The following DOCK11 variants were observed in gnomAD, a reference collection of about 807,000 sequenced individuals.
DOCK11 encodes the protein dedicator of cytokinesis 11, also known as dedicator of cytokinesis protein 11.
A neutral mutation model predicts 169.1 loss-of-function variants in DOCK11; 70 were observed. The observed-to-expected ratio is 0.41, with a 90% confidence interval of 0.34 to 0.51. DOCK11 has a LOEUF of 0.51. Ranked by LOEUF, DOCK11 falls within the 20% of genes least tolerant of loss-of-function variation. The pLI, the probability that DOCK11 is intolerant of heterozygous loss-of-function variation, is 0.10. For missense variants in DOCK11, 1,166 were observed against 1,538.8 expected (o/e 0.76, Z 4.05); for synonymous variants, 529 against 541.3 (o/e 0.98, Z 0.32).
Position 118,648,028 on chromosome X carries a change from ATAT to A in DOCK11, c.4399-913_4399-911del, listed in dbSNP as rs1306183953. ...ATTATAATATATAATATAAATTATA[ATAT>A]TATATAATAATATAATATATAATAT... is the stretch of plus-strand genomic sequence containing the variant. On this transcript the variant is annotated intron_variant, in intron 40 of 52. Transcript: ENST00000276202. 3.9e-3 allele frequency among the ~76,000 whole-genome samples: 179 copies of A among 45,684 alleles called. 2 individuals are homozygous for A. Among genetic ancestry groups the A allele is most frequent in the Non-Finnish European group, 6.0e-3 (163 of 27,110 alleles). The allele number at this position is 45,684 out of a possible 115,157, so 39.7% of individuals were successfully genotyped here.
chrX:118,648,126 TATATAATATA>T (rs1236582196), intron 40 of DOCK11, among the ~76,000 whole-genome samples: 1 of 76,568 alleles, frequency 1.3e-5, no homozygotes, highest in Non-Finnish European at 2.3e-5. Flanking sequence ...ATTGTAATAT[TATATAATATA>T]ATATATAAAT....
At chrX:118,607,405 G>A (rs1320218786) in intron 24 of DOCK11, among the ~76,000 whole-genome samples, 5 of 87,103 alleles carry the variant, frequency 5.7e-5, no homozygotes, top group African/African-American at 1.7e-4. Context: ...ATGAGCCACC[G>A]TGCCGGGCCT....
At chrX:118,580,385 C>T (rs1421127741) in intron 14 of DOCK11, among the ~76,000 whole-genome samples, 3 of 111,668 alleles carry the variant, frequency 2.7e-5, no homozygotes, top group African/African-American at 6.5e-5. Context: ...GGCGCGATCT[C>T]GGCTCACCAC....
intron 20 of DOCK11, among the ~76,000 whole-genome samples, chrX:118,595,554 T>C (rs2147434178): frequency 9.0e-6 from 1 of 111,671 alleles, no homozygotes; most frequent in East Asian, 2.8e-4. Context: ...CTTTGAGGAT[T>C]GAGAAGAAAA....
chrX:118,627,627 G>A (rs374951162), intron 33 of DOCK11, 48 bp downstream of exon 33: 76 of 904,667 alleles, frequency 8.4e-5, no homozygotes, highest in Non-Finnish European at 1.2e-4. Flanking sequence ...GTTTAGACAT[G>A]TACCCTCTAC....
chrX:118,576,677 A>AG (rs765399854), intron 12 of DOCK11, among the ~76,000 whole-genome samples: 2 of 112,369 alleles, frequency 1.8e-5, no homozygotes, highest in Non-Finnish European at 3.8e-5. Context: ...GAGTAGTAGC[A>AG]CTGACAGTGA....
chrX:118,634,138 TG>T (rs1377577498), intron 35 of DOCK11: 1 of 111,945 alleles, frequency 8.9e-6, no homozygotes, highest in Non-Finnish European at 1.9e-5. Context: ...TCCTCAGACT[TG>T]TTAATTTTGC....
intron 28 of DOCK11, among the ~76,000 whole-genome samples, chrX:118,611,881 A>G (rs2014692750): frequency 9.0e-6 from 1 of 111,380 alleles, no homozygotes; most frequent in South Asian, 3.8e-4. Context: ...CAGCCTCCCA[A>G]GTAGCTGGGA....
In DOCK11 at chrX:118,572,589, C is replaced by T. The variant is rs184264938; in HGVS notation, c.1176+126C>T. 7.4e-4 allele frequency: 388 copies of T among 526,022 alleles called. 1 individual carries two copies. The African/African-American group carries it at 7.9e-3, about 11-fold the overall frequency. 43.4% of individuals were successfully genotyped at this position (526,022 alleles called of 1,213,427 possible). On this transcript the variant is annotated intron_variant, in intron 11 of 52. Transcript: ENST00000276202. The stretch of plus-strand genomic sequence containing the variant: ...CCTATATAACAAACCTGCACATGTA[C>T]TCCTGAACCTAAAATGAAAGTTTTA...
intron 4 of DOCK11, among the ~76,000 whole-genome samples, chrX:118,544,694 C>T (rs2012187576): frequency 1.7e-5 from 1 of 58,085 alleles, no homozygotes; most frequent in African/African-American, 6.8e-5. Flanking sequence ...GAGTTTCGCT[C>T]TTGTCACCCA....
chrX:118,525,675 A>G (rs909406441), intron 1 of DOCK11, among the ~76,000 whole-genome samples: 5 of 111,733 alleles, frequency 4.5e-5, no homozygotes, highest in Non-Finnish European at 7.5e-5. Flanking sequence ...TACTTAACGA[A>G]GTATATACTT....
At chrX:118,678,833 C>T (rs1181597288) in intron 48 of DOCK11, among the ~76,000 whole-genome samples, 5 of 110,864 alleles carry the variant, frequency 4.5e-5, no homozygotes, top group Non-Finnish European at 9.5e-5. Context: ...TGCTGTGGCA[C>T]GATCACAGCT....
chrX:118,578,617 A>G lies in DOCK11; in HGVS notation c.1482A>G (p.Glu494=), dbSNP rs769059283. The G allele has an allele frequency of 8.3e-7, 1 of 1,201,803 alleles. No individual in the cohort carries two copies. Among genetic ancestry groups the G allele is most frequent in the Non-Finnish European group, 1.1e-6 (1 of 890,544 alleles). Residue 494 remains glutamate, a synonymous_variant, in exon 13 of 53, where the codon GAA becomes GAG. Transcript: ENST00000276202. ...AGGGAAACATTACACACTGTGCAGA[A>G]CCCTATATCAAAAATTCTGATCCAG... The part of the protein sequence containing the change: ...VLQGNITHCA[E]PYIKNSDPVK...
chrX:118,585,410 A>G (rs2013787082), intron 16 of DOCK11, among the ~76,000 whole-genome samples: 1 of 106,729 alleles, frequency 9.4e-6, no homozygotes, highest in South Asian at 4.3e-4. Context: ...TAACCTTGGC[A>G]TCAGTTGGCT....
At position 118,564,168 on chromosome X, in the gene DOCK11, G is replaced by A. The variant is rs188491706; in HGVS notation, c.694-1837G>A. The stretch of plus-strand genomic sequence containing the variant: ...TCAAATTCCTGACCTCAAGTGATCC[G>A]CTCACCTCAGCCACCCAAAGTGCTG... On this transcript the variant is annotated intron_variant, in intron 7 of 52. Coordinates refer to ENST00000276202, the MANE Select transcript of DOCK11 (RefSeq NM_144658.4). Among the ~76,000 whole-genome samples the A allele has an allele frequency of 4.7e-3, 522 of 112,144 alleles. 1 individual carries two copies. Among genetic ancestry groups the A allele is most frequent in the South Asian group, 0.014 (38 of 2,689 alleles).
At chrX:118,629,342 C>T (rs1188590915) in intron 34 of DOCK11, among the ~76,000 whole-genome samples, 2 of 111,737 alleles carry the variant, frequency 1.8e-5, no homozygotes, top group Non-Finnish European at 1.9e-5. Context: ...AGTAGCTAGG[C>T]AAGCAATCAG....
At chrX:118,634,203 T>G (rs978212043) in intron 35 of DOCK11, 1 of 112,169 alleles carries the variant, frequency 8.9e-6, no homozygotes, top group Non-Finnish European at 1.9e-5. Flanking sequence ...AGCCATGTTT[T>G]TTTAAAATTG....
At chrX:118,506,176 G>A (rs1359354923) in intron 1 of DOCK11, among the ~76,000 whole-genome samples, 1 of 109,075 alleles carries the variant, frequency 9.2e-6, no homozygotes, top group Non-Finnish European at 1.9e-5. Flanking sequence ...GATTCCTTGA[G>A]CCCAGGAGTT....
At chrX:118,548,836 C>G (rs145730756) in intron 6 of DOCK11, among the ~76,000 whole-genome samples, 1 of 112,107 alleles carries the variant, frequency 8.9e-6, no homozygotes, top group Non-Finnish European at 1.9e-5. Flanking sequence ...TTTATTACAA[C>G]AGCAATAGGA....
Sources: allele counts gnomAD v4.1 joint callset (sites outside exome capture counted in the v4.1 genomes callset), GRCh38; gene constraint gnomAD v4.1.1; transcripts MANE v1.5; gene names NCBI Gene and HGNC (gene_info 2026-07-23, HGNC 2026-07-21).